SDK2: variants seen among roughly 807,000 people sequenced by gnomAD.
The protein encoded by SDK2 is sidekick cell adhesion molecule 2, also known as protein sidekick-2.
A neutral mutation model predicts 253.9 loss-of-function variants in SDK2; 105 were observed. The observed-to-expected ratio is 0.41, with a 90% confidence interval of 0.35 to 0.49. The LOEUF is 0.49. Among genes scored for constraint, SDK2 ranks in the 20% least tolerant of loss-of-function variants. The probability of loss-of-function intolerance (pLI) is 0.06; values close to 1 mark genes in which losing one functional copy is unlikely to be tolerated. For synonymous variants in SDK2, 1,249 were observed against 1,234.9 expected (o/e 1.01, Z -0.24); for missense variants, 2,608 against 3,003.0 (o/e 0.87, Z 3.07).
intron 28 of SDK2, 147 bp from the exon 29 acceptor site, chr17:73,390,628 G>A (rs961029953): frequency 6.1e-6 from 5 of 819,472 alleles, no homozygotes; most frequent in South Asian, 1.8e-5. Context: ...GTCTGCCTGA[G>A]GTCTCTGGGT....
Position 73,423,493 on chromosome 17 carries a change from A to G in SDK2, c.1790T>C (p.Val597Ala), listed in dbSNP as rs973061139. 1 of 1,587,348 alleles carries G rather than the reference A, an allele frequency of 6.3e-7. No individual in the cohort carries two copies. Among genetic ancestry groups the G allele is most frequent in the South Asian group, 1.1e-5 (1 of 87,042 alleles). ...CCTTTCCACGGTGCTGAGAGTGGCCACTGGGTGCTCGGGCGCGTGGGGCAG... is the reference window on the plus strand; with the variant it reads ...CCTTTCCACGGTGCTGAGAGTGGCCGCTGGGTGCTCGGGCGCGTGGGGCAG... ...RQLPHAPEHP[V>A]ATLSTVERRA... Residue 597 changes from valine (V) to alanine (A), a missense_variant, in exon 14 of 45, where the codon GTG becomes GCG. Coordinates refer to ENST00000392650, the MANE Select transcript of SDK2 (RefSeq NM_001144952.2).
Position 73,408,282 on chromosome 17 carries a change from A to C in SDK2, c.2485-6141T>G, listed in dbSNP as rs1026081958. On this transcript the variant is annotated intron_variant, in intron 18 of 44. Coordinates refer to ENST00000392650, the MANE Select transcript of SDK2 (RefSeq NM_001144952.2). Reference sequence around the variant, plus strand: ...ACCCAGGCTGGAGTGCAGTGGTGCGATCTCAGCTCACGGCAACCTCTGCCT... The same window carrying C: ...ACCCAGGCTGGAGTGCAGTGGTGCGCTCTCAGCTCACGGCAACCTCTGCCT... Among the ~76,000 whole-genome samples, 302 of 144,846 alleles carry C rather than the reference A, an allele frequency of 2.1e-3. 1 individual carries two copies. Among genetic ancestry groups the C allele is most frequent in the Non-Finnish European group, 3.1e-3 (211 of 67,014 alleles).
chr17:73,506,492 C>T (rs12943104), intron 2 of SDK2, among the ~76,000 whole-genome samples: 32,964 of 152,120 alleles, frequency 0.22, 4,061 homozygotes, highest in East Asian at 0.31. Context: ...CTGGCCTCCG[C>T]ACTCCCTAAA....
intron 40 of SDK2, chr17:73,357,484 G>T (rs779283056): frequency 1.1e-5 from 2 of 187,418 alleles, no homozygotes; most frequent in Non-Finnish European, 2.2e-5. Flanking sequence ...AGCAACGCAG[G>T]GAGCTGGCAG....
intron 1 of SDK2, among the ~76,000 whole-genome samples, chr17:73,599,476 A>G (rs1229266086): frequency 6.6e-6 from 1 of 152,034 alleles, no homozygotes; most frequent in African/African-American, 2.4e-5. Flanking sequence ...CGGAGGCTGC[A>G]GTGAGCTGAG....
intron 1 of SDK2, among the ~76,000 whole-genome samples, chr17:73,529,167 G>A (rs2064149725): frequency 6.6e-6 from 1 of 152,210 alleles, no homozygotes; most frequent in Non-Finnish European, 1.5e-5. Context: ...AAGAGAGGAG[G>A]TGGTTTCGTC....
intron 43 of SDK2, among the ~76,000 whole-genome samples, chr17:73,349,693 G>A (rs1027234881): frequency 3.3e-5 from 5 of 152,206 alleles, no homozygotes; most frequent in African/African-American, 1.2e-4. Flanking sequence ...TGAGGCTGAT[G>A]GGGATAGGAG....
In SDK2 at chr17:73,581,871, T is replaced by C. The variant is rs368621383; in HGVS notation, c.64+62154A>G. ...AGCCATTGGCAGAGCCACCTGAGGGTGGTGTGGCCTATTTAGGAGGGACTC... is the reference window on the plus strand; with the variant it reads ...AGCCATTGGCAGAGCCACCTGAGGGCGGTGTGGCCTATTTAGGAGGGACTC... On this transcript the variant is annotated intron_variant, in intron 1 of 44. Coordinates refer to ENST00000392650, the MANE Select transcript of SDK2 (RefSeq NM_001144952.2). Among the ~76,000 whole-genome samples, 6 of 152,206 alleles carry C rather than the reference T, an allele frequency of 3.9e-5. No individual in the cohort carries two copies. In the East Asian group the frequency reaches 1.2e-3, roughly 29 times the overall value.
chr17:73,490,523 G>GT (rs1194044828), intron 2 of SDK2, among the ~76,000 whole-genome samples: 17,329 of 101,506 alleles, frequency 0.17, 1,531 homozygotes, highest in African/African-American at 0.19. Flanking sequence ...GCCAGGCAGT[G>GT]TTTTTTTTTT....
At position 73,570,830 on chromosome 17, in the gene SDK2, C is replaced by T. The variant is rs117344237; in HGVS notation, c.65-63233G>A. Among the ~76,000 whole-genome samples, 4 of 152,254 alleles carry T rather than the reference C, an allele frequency of 2.6e-5. No individual in the cohort carries two copies. The highest frequency in any genetic ancestry group is 1.9e-4 in the East Asian group (1 of 5,158). ...TCACTGGACTGAACTGAGTTTAGCCCGAAATGCTCCTCCCAGGCCTGCAGG... is the reference window on the plus strand; with the variant it reads ...TCACTGGACTGAACTGAGTTTAGCCTGAAATGCTCCTCCCAGGCCTGCAGG... On this transcript the variant is annotated intron_variant, in intron 1 of 44. Transcript: ENST00000392650. This position sits in a 1 kb window ranked among gnomAD's most constrained non-coding sequence, Gnocchi z 4.2.
chr17:73,576,705 C>T (rs2045462858), intron 1 of SDK2, among the ~76,000 whole-genome samples: 1 of 152,172 alleles, frequency 6.6e-6, no homozygotes, highest in Non-Finnish European at 1.5e-5. Context: ...CCAGAGAGGC[C>T]AGGGGGTTGC....
chr17:73,468,157 G>A (rs958091052), intron 3 of SDK2, among the ~76,000 whole-genome samples: 3 of 152,132 alleles, frequency 2.0e-5, no homozygotes, highest in African/African-American at 4.8e-5. Flanking sequence ...GGATGGCACC[G>A]GGGAAGGTGC....
At chr17:73,595,824 C>A (rs1205792765) in intron 1 of SDK2, among the ~76,000 whole-genome samples, 1 of 152,186 alleles carries the variant, frequency 6.6e-6, no homozygotes, top group Non-Finnish European at 1.5e-5. Context: ...TTGGAGGCAG[C>A]CAGGGGGGCT....
At chr17:73,542,894 C>T (rs2044892580) in intron 1 of SDK2, among the ~76,000 whole-genome samples, 1 of 152,168 alleles carries the variant, frequency 6.6e-6, no homozygotes, top group Non-Finnish European at 1.5e-5. Context: ...CACAAGCACC[C>T]AGAAGTGAGG....
intron 40 of SDK2, 112 bp downstream of exon 40, chr17:73,357,967 A>T: frequency 6.6e-7 from 1 of 1,514,708 alleles, no homozygotes; most frequent in Non-Finnish European, 9.1e-7. Flanking sequence ...CACCTGTAGT[A>T]GCACAAGCGC....
At chr17:73,487,881 A>T (rs1311425746) in intron 2 of SDK2, among the ~76,000 whole-genome samples, 3 of 152,176 alleles carry the variant, frequency 2.0e-5, no homozygotes, top group African/African-American at 7.2e-5. Context: ...AGTCTTTAAC[A>T]ACCTCGGCTG....
chr17:73,599,084 A>T (rs899978073), intron 1 of SDK2, among the ~76,000 whole-genome samples: 4 of 152,126 alleles, frequency 2.6e-5, no homozygotes, highest in African/African-American at 9.7e-5. Flanking sequence ...TGTTTTTCCA[A>T]CTGAAGTCTC....
At chr17:73,579,473 C>G (rs1051811220) in intron 1 of SDK2, among the ~76,000 whole-genome samples, 1 of 152,166 alleles carries the variant, frequency 6.6e-6, no homozygotes, top group African/African-American at 2.4e-5. Flanking sequence ...AGAGTCTCCC[C>G]GACCCTCACT....
At chr17:73,624,798 C>A (rs1050786780) in intron 1 of SDK2, among the ~76,000 whole-genome samples, 1 of 152,088 alleles carries the variant, frequency 6.6e-6, no homozygotes. Context: ...GAAGATGCAA[C>A]TATAATAAGG....
Sources: gnomAD v4.1 joint callset for allele counts (sites outside exome capture counted in the v4.1 genomes callset) on GRCh38, gnomAD v4.1.1 for gene constraint, Gnocchi (gnomAD v3.1) non-coding constraint, MANE v1.5 for transcripts, NCBI Gene and HGNC (gene_info 2026-07-23, HGNC 2026-07-21) for gene names.